Variants in DOK6 observed in about 807,000 individuals in gnomAD.
DOK6 encodes the protein docking protein 6.
A neutral mutation model predicts 44.0 loss-of-function variants in DOK6; 22 were observed. That is an observed-to-expected ratio of 0.50 (90% CI 0.36 to 0.71). The LOEUF (loss-of-function observed/expected upper bound fraction) is 0.71, where lower values mean the gene tolerates loss of function less well. DOK6 is among the 30% of genes least tolerant of loss of function. The pLI is 0.00. For missense variants in DOK6, 340 were observed against 416.4 expected (o/e 0.82, Z 1.60); for synonymous variants, 166 against 145.5 (o/e 1.14, Z -1.01).
chr18:69,614,383 C>T (rs890226392), intron 3 of DOK6, among the ~76,000 whole-genome samples: 2 of 152,084 alleles, frequency 1.3e-5, no homozygotes, highest in African/African-American at 4.8e-5. Flanking sequence ...TTTTCATTAG[C>T]ATTTTTCAGT....
intron 7 of DOK6, among the ~76,000 whole-genome samples, chr18:69,785,022 G>T (rs1471022491): frequency 6.6e-6 from 1 of 152,126 alleles, no homozygotes. Context: ...TATAATTAAA[G>T]TACACTCAGT....
chr18:69,465,439 A>G lies in DOK6; in HGVS notation c.66+64129A>G, dbSNP rs969475511. ...TCATTTAGCATTAGGTATATCTCCT[A>G]AAGCTATCCCTCCCCGCTCCCCCCA... On this transcript the variant is annotated intron_variant, in intron 1 of 7. Coordinates refer to ENST00000382713, the MANE Select transcript of DOK6 (RefSeq NM_152721.6). Among the ~76,000 whole-genome samples, 301 of 151,612 alleles carry G rather than the reference A, an allele frequency of 2.0e-3. 1 individual carries two copies. The highest frequency in any genetic ancestry group is 7.0e-3 in the African/African-American group (289 of 41,432).
At chr18:69,566,379 G>A (rs1043110883) in intron 2 of DOK6, among the ~76,000 whole-genome samples, 32 of 152,062 alleles carry the variant, frequency 2.1e-4, no homozygotes, top group East Asian at 3.9e-4. Flanking sequence ...CTTGTGATCC[G>A]CCCGCCTCGG....
At chr18:69,730,056 G>A (rs1599291524) in intron 5 of DOK6, among the ~76,000 whole-genome samples, 1 of 152,240 alleles carries the variant, frequency 6.6e-6, no homozygotes, top group East Asian at 1.9e-4. Flanking sequence ...ATAATGAATA[G>A]GGAAGATACA....
chr18:69,456,588 A>G (rs1464599490), intron 1 of DOK6, among the ~76,000 whole-genome samples: 1 of 152,088 alleles, frequency 6.6e-6, no homozygotes, highest in Non-Finnish European at 1.5e-5. Context: ...CTTTGCTATC[A>G]TGATTAGTGC....
At chr18:69,675,965 C>T (rs2144684437) in intron 3 of DOK6, among the ~76,000 whole-genome samples, 1 of 152,154 alleles carries the variant, frequency 6.6e-6, no homozygotes, top group Non-Finnish European at 1.5e-5. Flanking sequence ...TTTTAGTAGC[C>T]TCCACAAATG....
intron 1 of DOK6, among the ~76,000 whole-genome samples, chr18:69,554,678 A>T (rs1054142165): frequency 7.9e-5 from 12 of 152,198 alleles, no homozygotes; most frequent in African/African-American, 2.9e-4. Context: ...GAGCCTGTGT[A>T]AATTGTTAGC....
At chr18:69,419,434 G>A (rs1978424337) in intron 1 of DOK6, among the ~76,000 whole-genome samples, 1 of 152,086 alleles carries the variant, frequency 6.6e-6, no homozygotes, top group Non-Finnish European at 1.5e-5. Flanking sequence ...GTCAGTATCT[G>A]ACTAGAATGT....
intron 1 of DOK6, among the ~76,000 whole-genome samples, chr18:69,499,342 T>C (rs1264365363): frequency 6.6e-6 from 1 of 151,564 alleles, no homozygotes; most frequent in Non-Finnish European, 1.5e-5. Flanking sequence ...TGTTTTTAAC[T>C]CTTGAGTCAA....
chr18:69,741,719 A>ACT (rs1978805333), intron 6 of DOK6, among the ~76,000 whole-genome samples: 1 of 151,880 alleles, frequency 6.6e-6, no homozygotes, highest in Non-Finnish European at 1.5e-5. Context: ...CTGGTGTTGA[A>ACT]CTCCTGGGTT....
chr18:69,792,669 C>G (rs1162028068), intron 7 of DOK6, among the ~76,000 whole-genome samples: 1 of 152,050 alleles, frequency 6.6e-6, no homozygotes, highest in African/African-American at 2.4e-5. Flanking sequence ...TTTGGCTGCT[C>G]TTTATTTCTT....
chr18:69,559,704 G>A (rs1024838351), intron 1 of DOK6, among the ~76,000 whole-genome samples: 1 of 152,048 alleles, frequency 6.6e-6, no homozygotes. Flanking sequence ...CTAGTGGCTT[G>A]AACCACAGAA....
intron 3 of DOK6, among the ~76,000 whole-genome samples, chr18:69,611,148 C>T (rs185098451): frequency 7.2e-5 from 11 of 152,218 alleles, no homozygotes; most frequent in African/African-American, 2.2e-4. Flanking sequence ...TACAATTTAT[C>T]GCATTCACAT....
At chr18:69,721,005 T>G (rs1033271306) in intron 5 of DOK6, among the ~76,000 whole-genome samples, 2 of 152,186 alleles carry the variant, frequency 1.3e-5, no homozygotes, top group Admixed American at 1.3e-4. Flanking sequence ...GACTTTATCA[T>G]TTTTATTATT....
chr18:69,490,953 C>T (rs1420954751), intron 1 of DOK6, among the ~76,000 whole-genome samples: 2 of 152,198 alleles, frequency 1.3e-5, no homozygotes, highest in Admixed American at 6.6e-5. Context: ...ATTGTGAATG[C>T]CCTCAGAAGG....
chr18:69,494,525 T>C (rs1192079041), intron 1 of DOK6, among the ~76,000 whole-genome samples: 1 of 152,178 alleles, frequency 6.6e-6, no homozygotes, highest in East Asian at 1.9e-4. Context: ...AGCTTATGTT[T>C]TTGAACAATT....
chr18:69,618,702 A>C (rs140701824), intron 3 of DOK6: 1 of 152,268 alleles, frequency 6.6e-6, no homozygotes, highest in African/African-American at 2.4e-5. Flanking sequence ...GAAGAGTACA[A>C]CAGTATGGGG....
chr18:69,411,920 T>A (rs149546468), intron 1 of DOK6, among the ~76,000 whole-genome samples: 2,174 of 152,298 alleles, frequency 0.014, 26 homozygotes, highest in Middle Eastern at 0.051. Context: ...TAAATATTTT[T>A]CTTGCATTTC....
rs950425489 is a variant in DOK6 at position 69,608,349 on chromosome 18, G to C, written c.289+8851G>C. Among the ~76,000 whole-genome samples the C allele has an allele frequency of 8.5e-5, 13 of 152,132 alleles. 1 individual carries two copies. In the South Asian group the frequency reaches 2.7e-3, roughly 31 times the overall value. ...TGTGGATTCATGTCTGGGCTATTCT[G>C]TTCCATCAGTCTATATGTCTGCCTT... On this transcript the variant is annotated intron_variant, in intron 3 of 7. Coordinates refer to ENST00000382713, the MANE Select transcript of DOK6 (RefSeq NM_152721.6).
Sources: gnomAD v4.1 joint callset for allele counts (sites outside exome capture counted in the v4.1 genomes callset) on GRCh38, gnomAD v4.1.1 for gene constraint, MANE v1.5 for transcripts, NCBI Gene and HGNC (gene_info 2026-07-23, HGNC 2026-07-21) for gene names.